The following PACSIN2 variants were observed in gnomAD, a reference collection of about 807,000 sequenced individuals.
PACSIN2 encodes protein kinase C and casein kinase substrate in neurons 2, also known as protein kinase C and casein kinase substrate in neurons protein 2.
PACSIN2 carries 25 observed loss-of-function variants against 63.8 expected under a neutral mutation model. That is an observed-to-expected ratio of 0.39 (90% confidence interval 0.29 to 0.55). PACSIN2 has a LOEUF of 0.55. PACSIN2 is among the 20% of genes least tolerant of loss of function. The pLI is 0.62. For synonymous variants in PACSIN2, 255 were observed against 256.2 expected (o/e 1.00, Z 0.05); for missense variants, 518 against 646.9 (o/e 0.80, Z 2.16).
chr22:42,960,328 C>G (rs898684149), intron 1 of PACSIN2, among the ~76,000 whole-genome samples: 3 of 152,168 alleles, frequency 2.0e-5, no homozygotes, highest in Non-Finnish European at 2.9e-5. Context: ...TGGAAGTCAA[C>G]TTCCTTCTGT....
chr22:42,981,636 C>T (rs1488988618), intron 1 of PACSIN2, among the ~76,000 whole-genome samples: 17 of 120,168 alleles, frequency 1.4e-4, no homozygotes, highest in Admixed American at 3.1e-4. Context: ...CCGCCCCGTC[C>T]GGGAGGGAGG....
intron 1 of PACSIN2, among the ~76,000 whole-genome samples, chr22:42,997,472 C>T (rs903546180): frequency 5.9e-5 from 9 of 151,632 alleles, no homozygotes; most frequent in Admixed American, 4.6e-4. Flanking sequence ...GCAGGAGAAT[C>T]GCTTGAACCC....
intron 1 of PACSIN2, among the ~76,000 whole-genome samples, chr22:42,963,649 G>A (rs79968294): frequency 0.01 from 1,577 of 152,284 alleles, 18 homozygotes; most frequent in Non-Finnish European, 0.015. Flanking sequence ...TACAGGGAAG[G>A]AAACCACCAC....
chr22:42,991,116 T>C (rs1391305521), intron 1 of PACSIN2, among the ~76,000 whole-genome samples: 2 of 152,186 alleles, frequency 1.3e-5, no homozygotes, highest in African/African-American at 4.8e-5. Flanking sequence ...CAGAACACAC[T>C]GCCCCCAGAT....
chr22:42,902,341 T>TC lies in PACSIN2; in HGVS notation c.61-8729dup, dbSNP rs145991993. Among the ~76,000 whole-genome samples the TC allele has an allele frequency of 2.1e-3, 315 of 152,042 alleles. 2 individuals carry two copies. Among genetic ancestry groups the TC allele is most frequent in the African/African-American group, 7.3e-3 (301 of 41,440 alleles). On this transcript the variant is annotated intron_variant, in intron 2 of 10. Transcript: ENST00000263246. ...GGGGGCTCTGCTGCCCCAGGACGCT[T>TC]CCCCCACAGATTACCCCTCCCCCTG...
intron 1 of PACSIN2, among the ~76,000 whole-genome samples, chr22:42,933,024 G>GT (rs1932814518): frequency 6.6e-6 from 1 of 152,232 alleles, no homozygotes; most frequent in Non-Finnish European, 1.5e-5. Context: ...AAGAGTTGCT[G>GT]TATCATTGAA....
At chr22:42,900,367 G>C (rs1344240916) in intron 2 of PACSIN2, among the ~76,000 whole-genome samples, 2 of 152,218 alleles carry the variant, frequency 1.3e-5, no homozygotes, top group Admixed American at 1.3e-4. Context: ...TCATAATAGA[G>C]CATCCCATAC....
At chr22:42,944,886 T>A (rs969432031) in intron 1 of PACSIN2, among the ~76,000 whole-genome samples, 4 of 152,078 alleles carry the variant, frequency 2.6e-5, no homozygotes, top group Non-Finnish European at 5.9e-5. Flanking sequence ...TCACCTGAGG[T>A]CAGGAGTTCA....
chr22:42,872,316 G>T (rs1044907721), intron 10 of PACSIN2, among the ~76,000 whole-genome samples: 1 of 152,252 alleles, frequency 6.6e-6, no homozygotes, highest in African/African-American at 2.4e-5. Flanking sequence ...GTGGGCAGGG[G>T]CCTGTGTGCT....
chr22:42,874,274 C>T (rs1048051735), intron 10 of PACSIN2, among the ~76,000 whole-genome samples: 2 of 148,912 alleles, frequency 1.3e-5, no homozygotes, highest in Admixed American at 1.3e-4. Context: ...GAGCTATGAT[C>T]GCACCACTGT....
At chr22:43,001,428 G>A (rs1296379298) in intron 1 of PACSIN2, among the ~76,000 whole-genome samples, 2 of 152,208 alleles carry the variant, frequency 1.3e-5, no homozygotes, top group African/African-American at 4.8e-5. Context: ...CCACACTTGT[G>A]ATAAAAATGC....
At chr22:42,893,390 G>C (rs759971262) in intron 3 of PACSIN2, 67 bp downstream of exon 3, 1 of 1,514,126 alleles carries the variant, frequency 6.6e-7, no homozygotes, top group Non-Finnish European at 9.1e-7. Context: ...GGGTCACAAC[G>C]TGCCCAGAGC....
At chr22:42,948,428 T>C (rs1235658985) in intron 1 of PACSIN2, among the ~76,000 whole-genome samples, 1 of 152,204 alleles carries the variant, frequency 6.6e-6, no homozygotes, top group African/African-American at 2.4e-5. Context: ...GTGAACTACC[T>C]AAATACCTTC....
intron 1 of PACSIN2, among the ~76,000 whole-genome samples, chr22:42,953,114 A>G (rs2146833030): frequency 6.6e-6 from 1 of 152,296 alleles, no homozygotes; most frequent in African/African-American, 2.4e-5. Flanking sequence ...AATTTGCAGG[A>G]TTTAAAAAAA....
chr22:42,884,424 C>T lies in PACSIN2; in HGVS notation c.747G>A (p.Leu249=), dbSNP rs773027705. 5.0e-6 allele frequency: 8 copies of T among 1,614,096 alleles called. No individual in the cohort carries two copies. Among genetic ancestry groups the T allele is most frequent in the Non-Finnish European group, 5.9e-6 (7 of 1,180,038 alleles). Residue 249 remains leucine (L), a synonymous_variant, in exon 6 of 11, where the codon CTG becomes CTA. Coordinates refer to ENST00000263246, the MANE Select transcript of PACSIN2 (RefSeq NM_001184970.3). ...ACAGGTCTAGGTGCTTCTGAACCTC[C>T]AGCAGAACCTCCCGGAAGAAGCGAA... ...KRLRFFREVL[L]EVQKHLDLSN... is the part of the protein sequence containing the mutation.
At chr22:42,909,893 T>C (rs79064533) in intron 2 of PACSIN2, among the ~76,000 whole-genome samples, 14 of 152,272 alleles carry the variant, frequency 9.2e-5, no homozygotes, top group South Asian at 2.1e-4. Flanking sequence ...GGAACAGACA[T>C]TGACTGTGCA....
chr22:42,914,003 G>C (rs908762846), intron 1 of PACSIN2, among the ~76,000 whole-genome samples: 7 of 152,198 alleles, frequency 4.6e-5, no homozygotes, highest in Admixed American at 4.6e-4. Context: ...AACAGATAAC[G>C]GTACTTCAAA....
chr22:43,011,079 C>T (rs558982504), intron 1 of PACSIN2, among the ~76,000 whole-genome samples: 1 of 152,192 alleles, frequency 6.6e-6, no homozygotes, highest in East Asian at 1.9e-4. Context: ...TGCAGAAATT[C>T]CTACAAAACT....
intron 1 of PACSIN2, among the ~76,000 whole-genome samples, chr22:42,960,114 C>A (rs1466826423): frequency 6.6e-6 from 1 of 152,114 alleles, no homozygotes; most frequent in Non-Finnish European, 1.5e-5. Flanking sequence ...ATTCATACTA[C>A]CCCCTCCCCA....
Sources: gnomAD v4.1 joint callset for allele counts (sites outside exome capture counted in the v4.1 genomes callset) on GRCh38, gnomAD v4.1.1 for gene constraint, MANE v1.5 for transcripts, NCBI Gene and HGNC (gene_info 2026-07-23, HGNC 2026-07-21) for gene names.